SLC45A4: variants seen among roughly 807,000 people sequenced by gnomAD.
The protein encoded by SLC45A4 is polyamine-transporter SLC45A4.
In SLC45A4, 32 loss-of-function variants were observed where a neutral mutation model predicts 63.7. That is an observed-to-expected ratio of 0.50 (90% CI 0.38 to 0.67). The LOEUF (loss-of-function observed/expected upper bound fraction) is 0.67. SLC45A4 is among the 30% of genes least tolerant of loss of function. SLC45A4 has a pLI of 0.00. For missense variants in SLC45A4, 1,027 were observed against 1,157.7 expected (o/e 0.89, Z 1.64); for synonymous variants, 535 against 510.0 (o/e 1.05, Z -0.66).
At chr8:141,270,922 A>G (rs1257814267) in intron 1 of SLC45A4, among the ~76,000 whole-genome samples, 3 of 152,036 alleles carry the variant, frequency 2.0e-5, no homozygotes, top group African/African-American at 7.2e-5. Context: ...AAGATCCCTG[A>G]CCCCAGGGGC....
At chr8:141,302,557 C>G (rs1321122004) in intron 1 of SLC45A4, among the ~76,000 whole-genome samples, 1 of 152,328 alleles carries the variant, frequency 6.6e-6, no homozygotes, top group East Asian at 1.9e-4. Flanking sequence ...GTCTCGAACT[C>G]CTGACGTCAG....
intron 1 of SLC45A4, among the ~76,000 whole-genome samples, chr8:141,267,786 G>C (rs1293279623): frequency 2.0e-5 from 3 of 149,092 alleles, no homozygotes; most frequent in African/African-American, 7.8e-5. Flanking sequence ...TATGAGAATG[G>C]CCAAAGCTTA....
intron 1 of SLC45A4, among the ~76,000 whole-genome samples, chr8:141,283,228 G>A (rs571681243): frequency 2.0e-5 from 3 of 152,316 alleles, no homozygotes; most frequent in African/African-American, 4.8e-5. Flanking sequence ...ATGACTCTGT[G>A]GGGAGCCCAG....
At chr8:141,269,548 GTGTGTCTGTGTGTCAATGTCTGCCTA>G (rs776153942) in intron 1 of SLC45A4, among the ~76,000 whole-genome samples, 1 of 151,336 alleles carries the variant, frequency 6.6e-6, no homozygotes, top group African/African-American at 2.4e-5. Flanking sequence ...GTGTGTGTGG[GTGTGTCTGTGTGTCAATGTCTGCCTA>G]TGTGTCTGTG....
chr8:141,267,430 G>C (rs1441884099), intron 1 of SLC45A4, among the ~76,000 whole-genome samples: 1 of 152,260 alleles, frequency 6.6e-6, no homozygotes, highest in African/African-American at 2.4e-5. Context: ...GCCCTGTGCG[G>C]GCAAGAATGT....
At position 141,228,432 on chromosome 8, in the gene SLC45A4, C is replaced by T. The variant is rs533613047; in HGVS notation, c.242-6667G>A. ...CTCCAGAAAGCCAGCGGGAACATTC[C>T]GCAGCTGCTGTCCTGTCTCAGGGCC... On this transcript the variant is annotated intron_variant, in intron 2 of 8. Transcript: ENST00000517878. 2.0e-3 allele frequency: 2,760 copies of T among 1,413,542 alleles called. 48 individuals are homozygous for T. In the South Asian group the frequency reaches 0.031, roughly 16 times the overall value. 87.6% of individuals were successfully genotyped at this position (1,413,542 alleles called of 1,614,324 possible).
At chr8:141,212,048 C>T (rs1360515280) in intron 8 of SLC45A4, 149 bp downstream of exon 8, 3 of 1,365,128 alleles carry the variant, frequency 2.2e-6, no homozygotes, top group Admixed American at 3.5e-5. Context: ...GCTATGGGGG[C>T]GGAGGGGCTC....
At chr8:141,249,017 TAAA>T (rs34897440) in intron 2 of SLC45A4, among the ~76,000 whole-genome samples, 112 of 119,296 alleles carry the variant, frequency 9.4e-4, no homozygotes, top group African/African-American at 2.8e-3. Context: ...GACCCCATCT[TAAA>T]AAAAAAAAAA....
Position 141,215,578 on chromosome 8 carries a change from G to A in SLC45A4, c.1941+181C>T, listed in dbSNP as rs1323103787. ...GAAGGAGAAGACCCTTTGTGGCCAGGGACCGATCAGGGGCAGGTGGTGGCT... is the reference window on the plus strand; with the variant it reads ...GAAGGAGAAGACCCTTTGTGGCCAGAGACCGATCAGGGGCAGGTGGTGGCT... On this transcript the variant is annotated intron_variant, in intron 7 of 8. Transcript: ENST00000517878. This position sits in a 1 kb window ranked among gnomAD's most constrained non-coding sequence, Gnocchi z 4.3. Among the ~76,000 whole-genome samples, 1 of 152,166 alleles carries A rather than the reference G, an allele frequency of 6.6e-6. No homozygotes were observed. Among genetic ancestry groups the A allele is most frequent in the Non-Finnish European group, 1.5e-5 (1 of 68,038 alleles).
At chr8:141,216,120 A>G (rs1226767305) in intron 6 of SLC45A4, 150 bp from the exon 7 acceptor site, 1 of 705,314 alleles carries the variant, frequency 1.4e-6, no homozygotes, top group Non-Finnish European at 2.4e-6. Flanking sequence ...CACAGCTGGC[A>G]CAGGCCTCCG....
chr8:141,212,100 C>T (rs928224766), intron 8 of SLC45A4, 97 bp downstream of exon 8: 16 of 1,432,792 alleles, frequency 1.1e-5, no homozygotes, highest in African/African-American at 5.8e-5. Flanking sequence ...TGCAGGGTTC[C>T]GCGGTGTCTC....
rs1186957996 is a variant in SLC45A4, at chr8:141,228,548, G to C, written c.242-6783C>G. On this transcript the variant is annotated intron_variant, in intron 2 of 8. Coordinates refer to ENST00000517878, the MANE Select transcript of SLC45A4 (RefSeq NM_001286646.2). The stretch of plus-strand genomic sequence containing the variant: ...CTCGGGCAGGCACTCCCCGCAGCTG[G>C]AGCATGGGCTCCTCTCTGCCCTATC... The C allele has an allele frequency of 5.5e-6, 7 of 1,271,370 alleles. No individual in the cohort carries two copies. The African/African-American group carries it at 1.1e-4, about 19-fold the overall frequency. The allele number at this position is 1,271,370 out of a possible 1,614,324, so 78.8% of individuals were successfully genotyped here.
rs547393238 is a variant in SLC45A4 at position 141,272,840 on chromosome 8, C to A, written c.-400-18211G>T. Reference sequence around the variant, plus strand: ...AGAAAGTAAACGCAACAGTGTATTTCAACAGGCAAAGGCCAGTGACAATTT... The same window carrying A: ...AGAAAGTAAACGCAACAGTGTATTTAAACAGGCAAAGGCCAGTGACAATTT... On this transcript the variant is annotated intron_variant, in intron 1 of 8. Transcript: ENST00000517878. Among the ~76,000 whole-genome samples the A allele has an allele frequency of 3.5e-3, 533 of 152,344 alleles. 7 individuals are homozygous for A. The highest frequency in any genetic ancestry group is 0.012 in the African/African-American group (510 of 41,574).
intron 3 of SLC45A4, 49 bp from the exon 4 acceptor site, chr8:141,219,878 G>T (rs373311539): frequency 1.4e-5 from 20 of 1,478,072 alleles, no homozygotes; most frequent in Non-Finnish European, 1.7e-5. Context: ...CACTGGCCAG[G>T]GTGGGCCTGA....
intron 6 of SLC45A4, among the ~76,000 whole-genome samples, chr8:141,216,173 C>T (rs930391902): frequency 6.6e-6 from 1 of 152,150 alleles, no homozygotes; most frequent in African/African-American, 2.4e-5. Context: ...TGCCCAGTGG[C>T]TCCAGCACCA....
chr8:141,258,723 T>A (rs2154614759), intron 1 of SLC45A4, among the ~76,000 whole-genome samples: 1 of 150,946 alleles, frequency 6.6e-6, no homozygotes, highest in South Asian at 2.1e-4. Context: ...TCTCTATAAT[T>A]ATTATTATTA....
At chr8:141,270,907 A>G (rs1243386591) in intron 1 of SLC45A4, among the ~76,000 whole-genome samples, 3 of 152,112 alleles carry the variant, frequency 2.0e-5, no homozygotes, top group Admixed American at 2.0e-4. Context: ...CTCCCCAGCC[A>G]CGGCAAGATC....
intron 1 of SLC45A4, among the ~76,000 whole-genome samples, chr8:141,290,220 T>C (rs954715909): frequency 9.9e-5 from 15 of 152,034 alleles, no homozygotes; most frequent in African/African-American, 3.6e-4. Flanking sequence ...TTTAAGTGCG[T>C]GGTGCACATC....
intron 1 of SLC45A4, among the ~76,000 whole-genome samples, chr8:141,286,803 T>C (rs1830165714): frequency 7.7e-6 from 1 of 130,424 alleles, no homozygotes; most frequent in African/African-American, 2.9e-5. Flanking sequence ...CTTCCCCCAG[T>C]TAAGTTCAAG....
Sources: gnomAD v4.1 joint callset for allele counts (sites outside exome capture counted in the v4.1 genomes callset) on GRCh38, gnomAD v4.1.1 for gene constraint, Gnocchi (gnomAD v3.1) non-coding constraint, MANE v1.5 for transcripts, NCBI Gene and HGNC (gene_info 2026-07-23, HGNC 2026-07-21) for gene names.